Variants in AKAP6 observed in about 807,000 individuals in gnomAD.
The protein encoded by AKAP6 is A-kinase anchor protein 6.
Under a neutral mutation model 188.5 loss-of-function variants are expected in AKAP6, and 58 were observed. The ratio of observed to expected loss-of-function variants is 0.31; its 90% CI spans 0.25 to 0.38. The LOEUF (loss-of-function observed/expected upper bound fraction) is 0.38. Ranked by LOEUF, AKAP6 falls within the 10% of genes least tolerant of loss-of-function variation. The pLI is 1.00. For missense variants in AKAP6, 2,710 were observed against 2,740.0 expected (o/e 0.99, Z 0.24); for synonymous variants, 989 against 998.6 (o/e 0.99, Z 0.18).
intron 2 of AKAP6, among the ~76,000 whole-genome samples, chr14:32,508,916 C>T (rs1455655621): frequency 6.6e-6 from 1 of 151,692 alleles, no homozygotes; most frequent in African/African-American, 2.4e-5. Context: ...ACCTCCACCT[C>T]CTGGGTTCAG....
At chr14:32,575,993 T>C (rs889523832) in intron 4 of AKAP6, among the ~76,000 whole-genome samples, 2 of 151,368 alleles carry the variant, frequency 1.3e-5, no homozygotes, top group Non-Finnish European at 3.0e-5. Flanking sequence ...TTTCTCATGA[T>C]TTTTTTTGAG....
At chr14:32,408,759 A>G (rs1374421704) in intron 1 of AKAP6, among the ~76,000 whole-genome samples, 1 of 151,708 alleles carries the variant, frequency 6.6e-6, no homozygotes, top group Non-Finnish European at 1.5e-5. Context: ...CTTCACTCTA[A>G]TGGTCTTGGA....
intron 2 of AKAP6, among the ~76,000 whole-genome samples, chr14:32,450,999 T>C (rs1890918523): frequency 6.6e-6 from 1 of 152,212 alleles, no homozygotes; most frequent in African/African-American, 2.4e-5. Context: ...TTATGTTTTA[T>C]CTATCTAATA....
At chr14:32,748,156 T>C (rs2031986327) in intron 11 of AKAP6, among the ~76,000 whole-genome samples, 1 of 152,162 alleles carries the variant, frequency 6.6e-6, no homozygotes, top group South Asian at 2.1e-4. Context: ...AGGAAAAAAC[T>C]GGAAGAACAT....
At chr14:32,438,783 GA>G (rs1407568879) in intron 2 of AKAP6, 1 of 152,202 alleles carries the variant, frequency 6.6e-6, no homozygotes, top group Non-Finnish European at 1.5e-5. Context: ...ACCAGATCAA[GA>G]ACCTTTAAAG....
intron 8 of AKAP6, among the ~76,000 whole-genome samples, chr14:32,691,748 G>A (rs575329968): frequency 1.3e-5 from 2 of 152,100 alleles, no homozygotes; most frequent in African/African-American, 4.8e-5. Context: ...TAATAGAGAC[G>A]GGGTTTCACC....
chr14:32,630,670 G>A (rs1268851001), intron 7 of AKAP6, among the ~76,000 whole-genome samples: 1 of 152,006 alleles, frequency 6.6e-6, no homozygotes, highest in African/African-American at 2.4e-5. Context: ...GAGGTAAAGG[G>A]TAGGTAAGCC....
chr14:32,732,633 T>G, intron 10 of AKAP6, 33 bp downstream of exon 10: 1 of 1,609,988 alleles, frequency 6.2e-7, no homozygotes, highest in Non-Finnish European at 8.5e-7. Context: ...TTGTAGGTTA[T>G]GTGTACATTT....
intron 12 of AKAP6, among the ~76,000 whole-genome samples, chr14:32,814,188 A>G (rs1470442268): frequency 6.6e-6 from 1 of 152,206 alleles, no homozygotes; most frequent in Non-Finnish European, 1.5e-5. Flanking sequence ...CTCTAAGGTT[A>G]CAGATGATTT....
At chr14:32,753,690 A>AT (rs2032225494) in intron 11 of AKAP6, among the ~76,000 whole-genome samples, 1 of 152,184 alleles carries the variant, frequency 6.6e-6, no homozygotes, top group Admixed American at 6.5e-5. Context: ...TTTTGAGTTG[A>AT]TTCTTGTATA....
chr14:32,583,597 G>T (rs1043404385), intron 5 of AKAP6, among the ~76,000 whole-genome samples: 4 of 152,250 alleles, frequency 2.6e-5, no homozygotes, highest in African/African-American at 9.6e-5. Flanking sequence ...ACAGAGGCAG[G>T]CAGGCCTTCT....
intron 7 of AKAP6, among the ~76,000 whole-genome samples, chr14:32,661,263 A>G (rs1888688251): frequency 6.6e-6 from 1 of 152,076 alleles, no homozygotes; most frequent in African/African-American, 2.4e-5. Flanking sequence ...AAATCGTGAT[A>G]ATTGTATAAT....
chr14:32,486,066 A>G (rs1246579700), intron 2 of AKAP6, among the ~76,000 whole-genome samples: 1 of 152,204 alleles, frequency 6.6e-6, no homozygotes, highest in Non-Finnish European at 1.5e-5. Flanking sequence ...ACTGTTTATT[A>G]AATAGGGAAT....
intron 7 of AKAP6, among the ~76,000 whole-genome samples, chr14:32,615,167 C>CAAAAAAAAAAAAAAGAAAAAAAAAAAAAA (rs1886512380): frequency 1.9e-5 from 1 of 53,506 alleles, no homozygotes; most frequent in African/African-American, 9.6e-5. Context: ...GACTCTGTCT[C>CAAAAAAAAAAAAAAGAAAAAAAAAAAAAA]AAAAAAAAAA....
intron 8 of AKAP6, among the ~76,000 whole-genome samples, chr14:32,682,027 A>G (rs1157218318): frequency 6.6e-6 from 1 of 152,200 alleles, no homozygotes; most frequent in Non-Finnish European, 1.5e-5. Context: ...ATCTCTGTAA[A>G]CAGCGTGGAG....
At chr14:32,522,537 C>G (rs1723068939) in intron 2 of AKAP6, among the ~76,000 whole-genome samples, 1 of 152,130 alleles carries the variant, frequency 6.6e-6, no homozygotes, top group Admixed American at 6.5e-5. Flanking sequence ...AGGATATGAA[C>G]AGACACTTTT....
chr14:32,535,442 A>G (rs1882628251), intron 2 of AKAP6, 112 bp from the exon 3 acceptor site: 3 of 1,267,186 alleles, frequency 2.4e-6, no homozygotes, highest in Non-Finnish European at 3.3e-6. Flanking sequence ...CCAATGTGCT[A>G]CTGTTGGCCC....
In AKAP6 at chr14:32,523,145, G is replaced by A. The variant is rs546440278; in HGVS notation, c.325-12409G>A. On this transcript the variant is annotated intron_variant, in intron 2 of 13. Coordinates refer to ENST00000280979, the MANE Select transcript of AKAP6 (RefSeq NM_004274.5). ...TGAACAATGAGAACACTTGGACACAGGGTGGGGAACATCACACACCGGGGC... is the reference window on the plus strand; with the variant it reads ...TGAACAATGAGAACACTTGGACACAAGGTGGGGAACATCACACACCGGGGC... 2.4e-3 allele frequency among the ~76,000 whole-genome samples: 361 copies of A among 151,758 alleles called. 1 individual carries two copies. Among genetic ancestry groups the A allele is most frequent in the Middle Eastern group, 0.01 (3 of 294 alleles).
chr14:32,586,396 G>T (rs574225405), intron 5 of AKAP6, among the ~76,000 whole-genome samples: 7 of 152,190 alleles, frequency 4.6e-5, no homozygotes, highest in Non-Finnish European at 7.3e-5. Flanking sequence ...GGGAGGTGGA[G>T]GCAGGGAGAT....
Sources: allele counts gnomAD v4.1 joint callset (sites outside exome capture counted in the v4.1 genomes callset), GRCh38; gene constraint gnomAD v4.1.1; transcripts MANE v1.5; gene names NCBI Gene and HGNC (gene_info 2026-07-23, HGNC 2026-07-21).